MICAL3: variants seen among roughly 807,000 people sequenced by gnomAD.
The protein encoded by MICAL3 is [F-actin]-monooxygenase MICAL3.
MICAL3 carries 62 observed loss-of-function variants against 207.4 expected under a neutral mutation model. The ratio of observed to expected loss-of-function variants is 0.30; its 90% CI spans 0.24 to 0.37. MICAL3 has a LOEUF of 0.37. Among genes scored for constraint, MICAL3 ranks in the 10% least tolerant of loss-of-function variants. The pLI, the probability that MICAL3 is intolerant of heterozygous loss-of-function variation, is 1.00. For synonymous variants in MICAL3, 1,077 were observed against 1,069.3 expected (o/e 1.01, Z -0.14); for missense variants, 2,368 against 2,635.6 (o/e 0.90, Z 2.22).
intron 1 of MICAL3, among the ~76,000 whole-genome samples, chr22:17,975,107 T>G (rs566130991): frequency 2.6e-5 from 4 of 152,184 alleles, no homozygotes; most frequent in Admixed American, 1.3e-4. Context: ...GACTGACTTC[T>G]TTGAAAGAAC....
intron 29 of MICAL3, 137 bp from the exon 30 acceptor site, chr22:17,791,438 TTGCC>T (rs1406748368): frequency 4.0e-6 from 3 of 755,824 alleles, no homozygotes; most frequent in Non-Finnish European, 6.7e-6. Flanking sequence ...GGCCCAAGGT[TTGCC>T]TGCAGCCATG....
chr22:17,917,091 C>A (rs949185315), intron 1 of MICAL3, among the ~76,000 whole-genome samples: 1 of 152,144 alleles, frequency 6.6e-6, no homozygotes, highest in Non-Finnish European at 1.5e-5. Flanking sequence ...TCATGACCCA[C>A]GGAGACACAA....
At chr22:17,992,669 T>A (rs188648033) in intron 1 of MICAL3, among the ~76,000 whole-genome samples, 17 of 152,058 alleles carry the variant, frequency 1.1e-4, no homozygotes, top group Admixed American at 8.5e-4. Flanking sequence ...TCCCCACCCC[T>A]CACTAGGGCC....
chr22:17,843,116 AT>A (rs1924230521), intron 19 of MICAL3, among the ~76,000 whole-genome samples: 1 of 132,296 alleles, frequency 7.6e-6, no homozygotes, highest in South Asian at 2.5e-4. Context: ...GCGAGACTTC[AT>A]CTCAAAAAAA....
chr22:17,967,990 C>T (rs1437270470), intron 1 of MICAL3, among the ~76,000 whole-genome samples: 1 of 151,696 alleles, frequency 6.6e-6, no homozygotes, highest in Non-Finnish European at 1.5e-5. Context: ...TTGCAGTGAG[C>T]CAAGGTTGCA....
chr22:17,865,544 C>T (rs916163196), intron 18 of MICAL3, among the ~76,000 whole-genome samples: 1 of 152,234 alleles, frequency 6.6e-6, no homozygotes, highest in African/African-American at 2.4e-5. Context: ...TCCCAACAGT[C>T]TCCTCTCCCA....
intron 19 of MICAL3, among the ~76,000 whole-genome samples, chr22:17,855,214 T>C (rs1215659633): frequency 6.6e-6 from 1 of 152,124 alleles, no homozygotes; most frequent in Non-Finnish European, 1.5e-5. Context: ...CAGTACAGAG[T>C]GGCCCAAGCC....
intron 1 of MICAL3, among the ~76,000 whole-genome samples, chr22:17,995,108 G>A (rs1013551033): frequency 3.6e-4 from 55 of 152,230 alleles, no homozygotes; most frequent in African/African-American, 1.1e-3. Flanking sequence ...TTGCCCTTCC[G>A]CTTCCACCTT....
chr22:17,823,090 A>G (rs1921818105), intron 22 of MICAL3, 30 bp from the exon 23 acceptor site: 2 of 1,436,984 alleles, frequency 1.4e-6, no homozygotes. Flanking sequence ...AAAGGAAGGA[A>G]GAAAAGGAGG....
intron 1 of MICAL3, among the ~76,000 whole-genome samples, chr22:17,935,253 A>G (rs868612771): frequency 1.3e-5 from 2 of 152,212 alleles, no homozygotes; most frequent in African/African-American, 4.8e-5. Context: ...GGAACAGAAA[A>G]GAGGCCTCAG....
chr22:17,882,840 G>A (rs76667697), intron 16 of MICAL3, among the ~76,000 whole-genome samples: 1,702 of 152,226 alleles, frequency 0.011, 35 homozygotes, highest in African/African-American at 0.037. Flanking sequence ...TGACTTTCAT[G>A]GTTCTATTCC....
At chr22:17,879,589 G>A (rs567692595) in intron 16 of MICAL3, among the ~76,000 whole-genome samples, 10 of 152,270 alleles carry the variant, frequency 6.6e-5, no homozygotes, top group African/African-American at 2.2e-4. Context: ...CCGACTTTCT[G>A]CACAGCCATT....
chr22:17,901,030 C>T (rs758315348), intron 5 of MICAL3, 33 bp from the exon 6 acceptor site: 2 of 1,609,152 alleles, frequency 1.2e-6, no homozygotes, highest in South Asian at 2.2e-5. Flanking sequence ...AGGTGATAAT[C>T]ATTGGCTAGA....
rs1297834331 is a variant in MICAL3 at position 17,899,528 on chromosome 22, C to T, written c.868G>A (p.Val290Ile). The T allele has an allele frequency of 1.9e-6, 3 of 1,603,736 alleles. No individual in the cohort carries two copies. The highest frequency in any genetic ancestry group is 1.1e-5 in the South Asian group (1 of 89,152). ...TAGTGTGTGTCATCTTTGTAGTAAA[C>T]GATGTTCTCCAAGTCAATACCTGGG... ...EATGIDLENI[V>I]YYKDDTHYFV... Residue 290 changes from valine to isoleucine, a missense_variant, in exon 7 of 32, where the codon GTT (valine) becomes ATT (isoleucine). Around this residue, in one of 4 missense-constraint regions of MICAL3, gnomAD observed 400 missense variants for 547.0 expected, o/e 0.73. Coordinates refer to ENST00000441493, the MANE Select transcript of MICAL3 (RefSeq NM_015241.3).
At chr22:17,987,713 G>A (rs151096588) in intron 1 of MICAL3, among the ~76,000 whole-genome samples, 51 of 152,358 alleles carry the variant, frequency 3.3e-4, no homozygotes, top group Admixed American at 9.1e-4. Flanking sequence ...CTGTCCTGTG[G>A]TGTGGACAAG....
intron 1 of MICAL3, chr22:18,019,806 A>ATTTTTTTTTTTTTTT (rs34107345): frequency 2.6e-5 from 2 of 77,778 alleles, no homozygotes; most frequent in Non-Finnish European, 2.2e-5. Context: ...AATGCTGCTG[A>ATTTTTTTTTTTTTTT]TTTTTTTTTT....
chr22:17,910,997 G>A (rs1932102608), intron 1 of MICAL3, among the ~76,000 whole-genome samples: 1 of 141,086 alleles, frequency 7.1e-6, no homozygotes, highest in Non-Finnish European at 1.5e-5. Flanking sequence ...AGGGGTAGAG[G>A]AAGTGAGGAG....
In MICAL3 at chr22:17,810,803, T is replaced by C. The variant is rs1052244048; in HGVS notation, c.5456A>G (p.Tyr1819Cys). 19 of 1,613,674 alleles carry C rather than the reference T, an allele frequency of 1.2e-5. No individual in the cohort carries two copies. Among genetic ancestry groups the C allele is most frequent in the Non-Finnish European group, 1.6e-5 (19 of 1,179,730 alleles). The change falls in exon 28 of 32, where the codon TAC becomes TGC. Residue 1819 changes from tyrosine (Y) to cysteine (C), a missense_variant. Transcript: ENST00000441493. ...SQKSRREPRT[Y>C]TEEELNAKLT... Reference sequence around the variant, plus strand: ...CTTGGCATTCAGTTCCTCCTCCGTGTAGGTTCTTGGCTGGAGAGAACAAGA... The same window carrying C: ...CTTGGCATTCAGTTCCTCCTCCGTGCAGGTTCTTGGCTGGAGAGAACAAGA...
At chr22:17,929,225 A>C (rs1233212248) in intron 1 of MICAL3, among the ~76,000 whole-genome samples, 1 of 150,388 alleles carries the variant, frequency 6.6e-6, no homozygotes, top group Non-Finnish European at 1.5e-5. Flanking sequence ...CAGCCTCCCA[A>C]GTAGATGGAA....
Sources: gnomAD v4.1 joint callset for allele counts (sites outside exome capture counted in the v4.1 genomes callset) on GRCh38, gnomAD v4.1.1 for gene constraint, gnomAD v4.1.1 regional missense constraint, MANE v1.5 for transcripts, NCBI Gene and HGNC (gene_info 2026-07-23, HGNC 2026-07-21) for gene names.